Variants in TOR1AIP1 observed in about 807,000 individuals in gnomAD.
TOR1AIP1 encodes the protein torsin-1A-interacting protein 1.
In TOR1AIP1, 54 loss-of-function variants were observed where a neutral mutation model predicts 63.3. The observed-to-expected ratio is 0.85, with a 90% CI of 0.69 to 1.07. The LOEUF (loss-of-function observed/expected upper bound fraction) is 1.07. Among genes scored for constraint, TOR1AIP1 ranks in the 50% least tolerant of loss-of-function variants. TOR1AIP1 has a pLI of 0.00. For synonymous variants in TOR1AIP1, 294 were observed against 273.5 expected, an observed-to-expected ratio of 1.07 and a Z score of -0.74; for missense variants, 736 against 715.0, an observed-to-expected ratio of 1.03 and a Z score of -0.33.
At chr1:179,883,041 C>A in intron 1 of TOR1AIP1, 64 bp downstream of exon 1, 1 of 1,469,594 alleles carries the variant, frequency 6.8e-7, no homozygotes, top group Non-Finnish European at 9.3e-7. Context: ...CGGGCGCGCG[C>A]CTCGGTGGAG....
At chr1:179,905,061 A>G (rs1197104733) in intron 6 of TOR1AIP1, among the ~76,000 whole-genome samples, 2 of 152,010 alleles carry the variant, frequency 1.3e-5, no homozygotes, top group Admixed American at 6.5e-5. Flanking sequence ...TTTCTTCCAC[A>G]TTACTTTCTT....
chr1:179,907,942 T>TGGA, intron 7 of TOR1AIP1, 78 bp downstream of exon 7: 1 of 782,720 alleles, frequency 1.3e-6, no homozygotes. Flanking sequence ...TTTGAGACGA[T>TGGA]GTCTTGCTCT....
chr1:179,907,274 A>G (rs1044901312), intron 6 of TOR1AIP1, among the ~76,000 whole-genome samples: 16 of 151,358 alleles, frequency 1.1e-4, no homozygotes, highest in African/African-American at 3.6e-4. Flanking sequence ...TAAAAAGACA[A>G]AAAATTTGGT....
intron 8 of TOR1AIP1, among the ~76,000 whole-genome samples, chr1:179,912,226 G>A (rs1272728871): frequency 3.3e-5 from 5 of 151,720 alleles, no homozygotes; most frequent in African/African-American, 1.2e-4. Flanking sequence ...CACCATGTTG[G>A]CCAGGCTGGT....
rs528243297 is a variant in TOR1AIP1 at position 179,918,831 on chromosome 1, T to A, written c.*592T>A. The A allele has an allele frequency of 6.6e-6, 1 of 152,568 alleles. No individual in the cohort carries two copies. The highest frequency in any genetic ancestry group is 2.1e-4 in the South Asian group (1 of 4,826). 9.5% of individuals were successfully genotyped at this position (152,568 alleles called of 1,614,324 possible). A position where few individuals can be genotyped will look rare whatever the true frequency, so the allele number is the denominator to read the frequency against. On this transcript the variant is annotated 3_prime_UTR_variant, in exon 10 of 10. Coordinates refer to ENST00000606911, the MANE Select transcript of TOR1AIP1 (RefSeq NM_015602.4). ...ATGGGGAAGCTGAAGGGAGGAAATG[T>A]TACAGTAATCCACTGAGATGTAGTT...
At chr1:179,893,928 A>T (rs1199326314) in intron 3 of TOR1AIP1, among the ~76,000 whole-genome samples, 1 of 152,130 alleles carries the variant, frequency 6.6e-6, no homozygotes, top group African/African-American at 2.4e-5. Context: ...AGTCCTTTAT[A>T]AAAAAAGTTT....
At chr1:179,899,940 C>T (rs1334413482) in intron 3 of TOR1AIP1, among the ~76,000 whole-genome samples, 186 bp from the exon 4 acceptor site, 4 of 152,294 alleles carry the variant, frequency 2.6e-5, no homozygotes, top group African/African-American at 4.8e-5. Context: ...CCACTGCACC[C>T]GGCCAATTCT....
chr1:179,896,067 G>A lies in TOR1AIP1; in HGVS notation c.611-4059G>A, dbSNP rs536221582. On this transcript the variant is annotated intron_variant, in intron 3 of 9. Coordinates refer to ENST00000606911, the MANE Select transcript of TOR1AIP1 (RefSeq NM_015602.4). ...ATGGCTACTGATTCATCATCAGATC[G>A]CACTTAAATATTTATTTCCATTCTT... Among the ~76,000 whole-genome samples the A allele has an allele frequency of 5.9e-5, 9 of 152,228 alleles. No individual in the cohort carries two copies. In the East Asian group the frequency reaches 1.2e-3, roughly 20 times the overall value.
chr1:179,916,441 G>A (rs1039177284), intron 9 of TOR1AIP1, among the ~76,000 whole-genome samples: 1 of 152,094 alleles, frequency 6.6e-6, no homozygotes. Context: ...CAGTCAATAA[G>A]TAAAAGATGT....
Position 179,907,813 on chromosome 1 carries a change from T to C in TOR1AIP1, c.797-10T>C. The C allele has an allele frequency of 6.3e-7, 1 of 1,588,534 alleles. No individual in the cohort carries two copies. Among genetic ancestry groups the C allele is most frequent in the Non-Finnish European group, 8.6e-7 (1 of 1,166,894 alleles). ...GTATTCTATGACCTTATCCCTGTTTTCTGTTTCAGGTCAAAACTTCACAGC... is the reference window on the plus strand; with the variant it reads ...GTATTCTATGACCTTATCCCTGTTTCCTGTTTCAGGTCAAAACTTCACAGC... On this transcript the variant is annotated splice_polypyrimidine_tract_variant and intron_variant, in intron 6 of 9. Coordinates refer to ENST00000606911, the MANE Select transcript of TOR1AIP1 (RefSeq NM_015602.4).
At chr1:179,904,269 T>C (rs1457234500) in intron 6 of TOR1AIP1, among the ~76,000 whole-genome samples, 6 of 152,242 alleles carry the variant, frequency 3.9e-5, no homozygotes, top group Non-Finnish European at 8.8e-5. Flanking sequence ...ATTTGTTGAA[T>C]GTCTTTGCTA....
rs538522637 is a variant in TOR1AIP1 at position 179,894,330 on chromosome 1, T to C, written c.610+4961T>C. Among the ~76,000 whole-genome samples, 35 of 151,906 alleles carry C rather than the reference T, an allele frequency of 2.3e-4. No homozygotes were observed. The South Asian group carries it at 3.3e-3, about 14-fold the overall frequency. On this transcript the variant is annotated intron_variant, in intron 3 of 9. Coordinates refer to ENST00000606911, the MANE Select transcript of TOR1AIP1 (RefSeq NM_015602.4). ...GTTGTCAGAGTAAATTCAGGAGTTATATACTTGCTCGAACATATATTTATT... is the reference window on the plus strand; with the variant it reads ...GTTGTCAGAGTAAATTCAGGAGTTACATACTTGCTCGAACATATATTTATT...
intron 8 of TOR1AIP1, among the ~76,000 whole-genome samples, chr1:179,912,204 G>A (rs552346725): frequency 6.6e-6 from 1 of 151,658 alleles, no homozygotes; most frequent in South Asian, 2.1e-4. Flanking sequence ...TATTTTAGTA[G>A]AGACAGGGTT....
intron 2 of TOR1AIP1, among the ~76,000 whole-genome samples, chr1:179,888,598 G>A (rs761394754): frequency 6.6e-6 from 1 of 152,098 alleles, no homozygotes; most frequent in Non-Finnish European, 1.5e-5. Context: ...TGTGTTTTTT[G>A]CAACTCAGAG....
intron 6 of TOR1AIP1, among the ~76,000 whole-genome samples, chr1:179,905,229 G>A (rs1414280446): frequency 6.6e-6 from 1 of 151,722 alleles, no homozygotes; most frequent in Non-Finnish European, 1.5e-5. Context: ...ATAAAAATTA[G>A]CTGGGCGTGG....
intron 3 of TOR1AIP1, among the ~76,000 whole-genome samples, chr1:179,895,821 A>G (rs1427470321): frequency 6.6e-6 from 1 of 151,394 alleles, no homozygotes; most frequent in Non-Finnish European, 1.5e-5. Context: ...AATCACTTGA[A>G]CCCGGGAGAA....
intron 3 of TOR1AIP1, 30 bp from the exon 4 acceptor site, chr1:179,900,096 T>C (rs1352258366): frequency 6.4e-7 from 1 of 1,568,346 alleles, no homozygotes; most frequent in Admixed American, 1.7e-5. Flanking sequence ...GTTATATGTT[T>C]AATATTTGAT....
chr1:179,913,262 C>T (rs1648896723), intron 8 of TOR1AIP1, among the ~76,000 whole-genome samples: 1 of 151,766 alleles, frequency 6.6e-6, no homozygotes, highest in African/African-American at 2.4e-5. Context: ...CTGTGCCCGG[C>T]TTAATTTATT....
chr1:179,920,050 A>G lies in TOR1AIP1; in HGVS notation c.*1811A>G, dbSNP rs1044257928. ...TAAAAGCTATTTTAGTAATTTAAAT[A>G]AATTTACTTTCTTGGTTTATACTCT... On this transcript the variant is annotated 3_prime_UTR_variant, in exon 10 of 10. Coordinates refer to ENST00000606911, the MANE Select transcript of TOR1AIP1 (RefSeq NM_015602.4). The G allele has an allele frequency of 6.6e-6, 1 of 152,248 alleles. No homozygotes were observed. The highest frequency in any genetic ancestry group is 1.5e-5 in the Non-Finnish European group (1 of 68,048). The allele number at this position is 152,248 out of a possible 1,614,324, so 9.4% of individuals were successfully genotyped here.
Sources: allele counts gnomAD v4.1 joint callset (sites outside exome capture counted in the v4.1 genomes callset), GRCh38; gene constraint gnomAD v4.1.1; transcripts MANE v1.5; gene names NCBI Gene and HGNC (gene_info 2026-07-23, HGNC 2026-07-21).